The following NUSAP1 variants were observed in gnomAD, a reference collection of about 807,000 sequenced individuals.
NUSAP1 encodes the protein nucleolar and spindle-associated protein 1.
In NUSAP1, 32 loss-of-function variants were observed where a neutral mutation model predicts 52.8. The ratio of observed to expected loss-of-function variants is 0.61; its 90% CI spans 0.46 to 0.81. The LOEUF (loss-of-function observed/expected upper bound fraction) is 0.81, where lower values mean the gene tolerates loss of function less well. NUSAP1 is among the 40% of genes least tolerant of loss of function. The pLI, the probability that NUSAP1 is intolerant of heterozygous loss-of-function variation, is 0.00. For synonymous variants in NUSAP1, 195 were observed against 183.1 expected, an observed-to-expected ratio of 1.06 and a Z score of -0.52; for missense variants, 499 against 522.3, an observed-to-expected ratio of 0.96 and a Z score of 0.43.
At chr15:41,373,254 C>T (rs368075716) in intron 8 of NUSAP1, among the ~76,000 whole-genome samples, 3 of 151,660 alleles carry the variant, frequency 2.0e-5, no homozygotes, top group East Asian at 4.0e-4. Context: ...ATTAGCCGGG[C>T]GTGGTGGCAC....
chr15:41,373,980 G>T (rs1326676122), intron 8 of NUSAP1, among the ~76,000 whole-genome samples: 1 of 152,082 alleles, frequency 6.6e-6, no homozygotes, highest in African/African-American at 2.4e-5. Context: ...ATGAGTTCAG[G>T]AGATTGAGAC....
At chr15:41,362,623 G>C (rs1411800763) in intron 6 of NUSAP1, among the ~76,000 whole-genome samples, 1 of 151,286 alleles carries the variant, frequency 6.6e-6, no homozygotes, top group South Asian at 2.1e-4. Context: ...GTAGAGATGG[G>C]GTTTCACTGA....
chr15:41,339,649 A>G (rs1384558336), intron 1 of NUSAP1, among the ~76,000 whole-genome samples: 1 of 152,080 alleles, frequency 6.6e-6, no homozygotes, highest in Non-Finnish European at 1.5e-5. Context: ...AACTCAGGTG[A>G]TCTGACTGCC....
chr15:41,379,234 G>A (rs951886256), intron 10 of NUSAP1, among the ~76,000 whole-genome samples: 1 of 151,848 alleles, frequency 6.6e-6, no homozygotes, highest in Non-Finnish European at 1.5e-5. Flanking sequence ...GATTACAGGC[G>A]TGAGCTACCA....
At chr15:41,343,897 G>A (rs2048458685) in intron 2 of NUSAP1, among the ~76,000 whole-genome samples, 1 of 151,946 alleles carries the variant, frequency 6.6e-6, no homozygotes, top group Non-Finnish European at 1.5e-5. Flanking sequence ...TTATGGTTAA[G>A]GGTACATGAT....
rs566708488 is a variant in NUSAP1, at chr15:41,364,861, C to G, written c.661-541C>G. On this transcript the variant is annotated intron_variant, in intron 6 of 10. Transcript: ENST00000559596. The stretch of plus-strand genomic sequence containing the variant: ...TCAGCCTGGGCAACAGAGCCAGACT[C>G]TGTCTCAAATAAAAAAAAAAAAGAA... 2.2e-4 allele frequency among the ~76,000 whole-genome samples: 33 copies of G among 151,966 alleles called. 2 individuals are homozygous for G. The South Asian group carries it at 5.6e-3, about 26-fold the overall frequency.
chr15:41,377,759 C>T (rs1286468608), intron 10 of NUSAP1, among the ~76,000 whole-genome samples: 8 of 149,558 alleles, frequency 5.3e-5, no homozygotes, highest in African/African-American at 2.0e-4. Flanking sequence ...AATCCCAGCA[C>T]TTTGGGAGGC....
chr15:41,371,606 G>C lies in NUSAP1; in HGVS notation c.928G>C (p.Val310Leu). 3 of 1,611,820 alleles carry C rather than the reference G, an allele frequency of 1.9e-6. No individual in the cohort carries two copies. Among genetic ancestry groups the C allele is most frequent in the South Asian group, 1.1e-5 (1 of 90,874 alleles). ...AGCCAGAAAGTCTGCACATGTGACC[G>C]TGTCTGGGGGCACCCCAAAAGGCGA... ...TPARKSAHVT[V>L]SGGTPKGEAV... Residue 310 changes from valine (V) to leucine (L), a missense_variant, in exon 8 of 11, where the codon GTG (valine) becomes CTG (leucine). Val to Leu is a conservative substitution (Grantham distance 32). Coordinates refer to ENST00000559596, the MANE Select transcript of NUSAP1 (RefSeq NM_016359.5).
chr15:41,375,302 C>G (rs926420396), intron 8 of NUSAP1, among the ~76,000 whole-genome samples: 1 of 151,910 alleles, frequency 6.6e-6, no homozygotes, highest in Non-Finnish European at 1.5e-5. Context: ...CTCAGCCTCC[C>G]GAGTAGCTGG....
In NUSAP1 at chr15:41,333,867, G is replaced by C. The variant is rs369427501; in HGVS notation, c.93+817G>C. The stretch of plus-strand genomic sequence containing the variant: ...GCCGAGGTGGCAGTGAGCCAAGATC[G>C]CACCACTGCACTCCAACTTCGGTGA... On this transcript the variant is annotated intron_variant, in intron 1 of 10. Coordinates refer to ENST00000559596, the MANE Select transcript of NUSAP1 (RefSeq NM_016359.5). Among the ~76,000 whole-genome samples, 14 of 152,260 alleles carry C rather than the reference G, an allele frequency of 9.2e-5. No individual in the cohort carries two copies. The South Asian group carries it at 2.9e-3, about 32-fold the overall frequency.
chr15:41,369,477 C>T (rs975102021), intron 7 of NUSAP1, among the ~76,000 whole-genome samples: 2 of 151,784 alleles, frequency 1.3e-5, no homozygotes, highest in African/African-American at 2.4e-5. Flanking sequence ...GGTGAAACCT[C>T]GTCTGTACTA....
intron 3 of NUSAP1, among the ~76,000 whole-genome samples, chr15:41,350,193 A>G (rs1220433880): frequency 1.3e-5 from 2 of 152,202 alleles, no homozygotes; most frequent in South Asian, 2.1e-4. Context: ...GAGGATTCAC[A>G]TCTAAAAGCT....
chr15:41,378,841 T>C (rs1015334909), intron 10 of NUSAP1, among the ~76,000 whole-genome samples: 2 of 140,500 alleles, frequency 1.4e-5, no homozygotes, highest in African/African-American at 5.5e-5. Flanking sequence ...GGAATAGAAC[T>C]AGAACCAGGA....
At chr15:41,335,187 C>T (rs2048071608) in intron 1 of NUSAP1, among the ~76,000 whole-genome samples, 1 of 149,776 alleles carries the variant, frequency 6.7e-6, no homozygotes, top group Admixed American at 6.7e-5. Context: ...TAAAATGAAA[C>T]ACTACAATTT....
intron 6 of NUSAP1, among the ~76,000 whole-genome samples, chr15:41,363,459 C>T (rs2049268624): frequency 6.6e-6 from 1 of 151,940 alleles, no homozygotes; most frequent in South Asian, 2.1e-4. Context: ...ACTGTAGCCT[C>T]AACCTCCTGG....
intron 2 of NUSAP1, among the ~76,000 whole-genome samples, chr15:41,344,942 GA>G (rs1402351130): frequency 1.3e-5 from 2 of 150,120 alleles, no homozygotes; most frequent in Non-Finnish European, 3.0e-5. Context: ...CTCCGTCTCC[GA>G]AAAAAAGAAA....
Position 41,348,775 on chromosome 15 carries a change from A to C in NUSAP1, c.163-323A>C, listed in dbSNP as rs556086276. ...TGCCTCAGCCTTCCAAGTAGCTGGG[A>C]TTACAGGCATGCACCACCATGCCCG... On this transcript the variant is annotated intron_variant, in intron 2 of 10. Coordinates refer to ENST00000559596, the MANE Select transcript of NUSAP1 (RefSeq NM_016359.5). Among the ~76,000 whole-genome samples the C allele has an allele frequency of 5.2e-4, 79 of 152,036 alleles. 1 individual carries two copies. The South Asian group carries it at 0.015, about 29-fold the overall frequency.
At position 41,371,518 on chromosome 15, in the gene NUSAP1, C is replaced by G. The variant is rs756754963; in HGVS notation, c.849-9C>G. 7 of 1,590,230 alleles carry G rather than the reference C, an allele frequency of 4.4e-6. No homozygotes were observed. In the Admixed American group the frequency reaches 1.4e-4, roughly 31 times the overall value. On this transcript the variant is annotated splice_polypyrimidine_tract_variant and intron_variant, in intron 7 of 10. Coordinates refer to ENST00000559596, the MANE Select transcript of NUSAP1 (RefSeq NM_016359.5). ...GTACTCATGTCTTGTACTCTGCTGT[C>G]CTATTTAGGTTTTCAGCTGCTACTA...
At chr15:41,336,700 G>C (rs1483749278) in intron 1 of NUSAP1, among the ~76,000 whole-genome samples, 1 of 119,454 alleles carries the variant, frequency 8.4e-6, no homozygotes, top group African/African-American at 3.4e-5. Flanking sequence ...TGCCTAGGCT[G>C]CAGTGGCACA....
Sources: allele counts gnomAD v4.1 joint callset (sites outside exome capture counted in the v4.1 genomes callset), GRCh38; gene constraint gnomAD v4.1.1; transcripts MANE v1.5; gene names NCBI Gene and HGNC (gene_info 2026-07-23, HGNC 2026-07-21).